SLC17A7: variants seen among roughly 807,000 people sequenced by gnomAD.
SLC17A7 encodes solute carrier family 17 member 7.
In SLC17A7, 15 loss-of-function variants were observed where a neutral mutation model predicts 59.1. That is an observed-to-expected ratio of 0.25 (90% confidence interval 0.17 to 0.39). The LOEUF is 0.39. Among genes scored for constraint, SLC17A7 ranks in the 10% least tolerant of loss-of-function variants. The pLI is 1.00. For missense variants in SLC17A7, 499 were observed against 765.1 expected (o/e 0.65, Z 4.10); for synonymous variants, 353 against 308.9 (o/e 1.14, Z -1.50).
rs572745041 is a variant in SLC17A7 at position 49,432,586 on chromosome 19, G to T, written c.1083C>A (p.Ile361=). 1.9e-6 allele frequency: 3 copies of T among 1,612,108 alleles called. No homozygotes were observed. Among genetic ancestry groups the T allele is most frequent in the East Asian group, 2.2e-5 (1 of 44,824 alleles). ...MTIIVPIGGQ[I]ADFLRSRRIM... Reference sequence around the variant, plus strand: ...TGCGGCGGCTCCGCAGGAAGTCCGCGATCTGGCCGCCGATGGGCACGATGA... The same window carrying T: ...TGCGGCGGCTCCGCAGGAAGTCCGCTATCTGGCCGCCGATGGGCACGATGA... Residue 361 remains isoleucine (I), a synonymous_variant, in exon 9 of 12, where the codon ATC becomes ATA. Coordinates refer to ENST00000221485, the MANE Select transcript of SLC17A7 (RefSeq NM_020309.4).
Position 49,433,041 on chromosome 19 carries a change from G to T in SLC17A7, c.868-81C>A. ...GCGTCCCTTCAGGGACCACAGTGTA[G>T]TTCTGCAGAAACCAAAGGATCCCGA... On this transcript the variant is annotated intron_variant, in intron 7 of 11. Transcript: ENST00000221485. The surrounding 1 kb of genome is among the most constrained non-coding windows in gnomAD (Gnocchi z 5.7). 7.1e-7 allele frequency: 1 copy of T among 1,413,400 alleles called. No individual in the cohort carries two copies. Among genetic ancestry groups the T allele is most frequent in the Non-Finnish European group, 9.7e-7 (1 of 1,032,990 alleles). 87.6% of individuals were successfully genotyped at this position (1,413,400 alleles called of 1,614,324 possible).
In SLC17A7 at chr19:49,436,992, C is replaced by T. The variant is rs1329530691; in HGVS notation, c.63-191G>A. 4 of 771,132 alleles carry T rather than the reference C, an allele frequency of 5.2e-6. No individual in the cohort carries two copies. The highest frequency in any genetic ancestry group is 3.0e-5 in the Admixed American group (1 of 33,750). The allele number at this position is 771,132 out of a possible 1,614,324, so 47.8% of individuals were successfully genotyped here. ...CCAGAAATCCTCCATCTCCCTCAGACCGGGAATTCAGGCCCCCAGCCCCCT... is the reference window on the plus strand; with the variant it reads ...CCAGAAATCCTCCATCTCCCTCAGATCGGGAATTCAGGCCCCCAGCCCCCT... On this transcript the variant is annotated intron_variant, in intron 1 of 11. Transcript: ENST00000221485. The surrounding 1 kb of genome is among the most constrained non-coding windows in gnomAD (Gnocchi z 4.1).
chr19:49,435,311 T>G (rs2078975988), intron 2 of SLC17A7, 25 bp from the exon 3 acceptor site: 3 of 1,550,152 alleles, frequency 1.9e-6, no homozygotes, highest in Non-Finnish European at 2.7e-6. Context: ...GTACATTAAA[T>G]CAGCCGCCCT....
chr19:49,435,072 C>T, intron 3 of SLC17A7, 96 bp downstream of exon 3: 1 of 1,084,658 alleles, frequency 9.2e-7, no homozygotes, highest in Non-Finnish European at 1.4e-6. Context: ...AGGCTTCTCC[C>T]ATTTACCAGA....
chr19:49,433,870 T>TG lies in SLC17A7; in HGVS notation c.725-3dup, dbSNP rs766859282. ...GGTACCAGAAGATCCCGAAGCTGCCTGGGGGGGTCAGGAGGGGGATGGGAG... is the reference window on the plus strand; with the variant it reads ...GGTACCAGAAGATCCCGAAGCTGCCTGGGGGGGGTCAGGAGGGGGATGGGAG... On this transcript the variant is annotated splice_region_variant and splice_polypyrimidine_tract_variant and intron_variant, in intron 6 of 11. Transcript: ENST00000221485. This position sits in a 1 kb window ranked among gnomAD's most constrained non-coding sequence, Gnocchi z 5.7. 180 of 1,610,548 alleles carry TG rather than the reference T, an allele frequency of 1.1e-4. No homozygotes were observed. Among genetic ancestry groups the TG allele is most frequent in the Middle Eastern group, 1.7e-4 (1 of 6,038 alleles).
chr19:49,435,462 C>G (rs774930923), intron 2 of SLC17A7, 176 bp from the exon 3 acceptor site: 1 of 580,438 alleles, frequency 1.7e-6, no homozygotes, highest in East Asian at 2.9e-5. Flanking sequence ...CTACAAACTC[C>G]GCTCTTCCAC....
intron 1 of SLC17A7, among the ~76,000 whole-genome samples, chr19:49,440,888 AG>A (rs1472375126): frequency 6.6e-6 from 1 of 152,042 alleles, no homozygotes; most frequent in Non-Finnish European, 1.5e-5. Context: ...AACCAGAGAG[AG>A]GGGCACAGAG....
In SLC17A7 at chr19:49,433,178, AT is replaced by A. The variant is rs2078967478; in HGVS notation, c.868-219del. On this transcript the variant is annotated intron_variant, in intron 7 of 11. Coordinates refer to ENST00000221485, the MANE Select transcript of SLC17A7 (RefSeq NM_020309.4). This position sits in a 1 kb window ranked among gnomAD's most constrained non-coding sequence, Gnocchi z 5.7. ...TGAGTGATGAAGGGGTCCTGGCCCT[AT>A]GGTAGCCTCTCAGGTCCGCAGGTGT... 1.7e-6 allele frequency: 1 copy of A among 582,988 alleles called. No individual in the cohort carries two copies. Among genetic ancestry groups the A allele is most frequent in the Non-Finnish European group, 3.0e-6 (1 of 331,206 alleles). The allele number at this position is 582,988 out of a possible 1,614,324, so 36.1% of individuals were successfully genotyped here. A position where few individuals can be genotyped will look rare whatever the true frequency, so the allele number is the denominator to read the frequency against.
In SLC17A7 at chr19:49,430,320, A is replaced by C; in HGVS notation, c.*199T>G. On this transcript the variant is annotated 3_prime_UTR_variant, in exon 12 of 12. Coordinates refer to ENST00000221485, the MANE Select transcript of SLC17A7 (RefSeq NM_020309.4). ...CTTTAGGGGAATTTGGGTATCCTTGAAACTGTCAGTCTGCAGCTTCACTAC... is the reference window on the plus strand; with the variant it reads ...CTTTAGGGGAATTTGGGTATCCTTGCAACTGTCAGTCTGCAGCTTCACTAC... 1 of 513,832 alleles carries C rather than the reference A, an allele frequency of 1.9e-6. No individual in the cohort carries two copies. Among genetic ancestry groups the C allele is most frequent in the Non-Finnish European group, 3.4e-6 (1 of 292,728 alleles). 31.8% of individuals were successfully genotyped at this position (513,832 alleles called of 1,614,324 possible). A position where few individuals can be genotyped will look rare whatever the true frequency, so the allele number is the denominator to read the frequency against.
Position 49,441,458 on chromosome 19 carries a change from C to T in SLC17A7, c.-79G>A. 9.0e-7 allele frequency: 1 copy of T among 1,107,320 alleles called. No individual in the cohort carries two copies. 68.6% of individuals were successfully genotyped at this position (1,107,320 alleles called of 1,614,324 possible). A position where few individuals can be genotyped will look rare whatever the true frequency, so the allele number is the denominator to read the frequency against. ...GCCCGCGGGCCCGGGCGGCCGCGTC[C>T]GGGTTCCCGGGGTCCAGCCCCGGCC... is the stretch of plus-strand genomic sequence containing the variant. On this transcript the variant is annotated 5_prime_UTR_variant, in exon 1 of 12. Coordinates refer to ENST00000221485, the MANE Select transcript of SLC17A7 (RefSeq NM_020309.4).
At chr19:49,434,955 G>C (rs1363860662) in intron 3 of SLC17A7, 73 bp from the exon 4 acceptor site, 1 of 1,452,974 alleles carries the variant, frequency 6.9e-7, no homozygotes, top group African/African-American at 1.4e-5. Flanking sequence ...CCCGCCCACA[G>C]CAAGCTAGGC....
At chr19:49,434,519 G>T in intron 5 of SLC17A7, 83 bp downstream of exon 5, 1 of 736,886 alleles carries the variant, frequency 1.4e-6, no homozygotes, top group Non-Finnish European at 2.1e-6. Context: ...AGCCCCCCCA[G>T]CCCCTCCCCG....
At position 49,433,734 on chromosome 19, in the gene SLC17A7, G is replaced by C. The variant is rs768609214; in HGVS notation, c.859C>G (p.Pro287Ala). Residue 287 changes from proline to alanine, a missense_variant, in exon 7 of 12, where the codon CCC (proline) becomes GCC (alanine). Pro to Ala is a conservative substitution (Grantham distance 27). This residue lies in a region of SLC17A7 where 323 missense variants were observed against 607.2 expected (regional missense o/e 0.53). Transcript: ENST00000221485. This position sits in a 1 kb window ranked among gnomAD's most constrained non-coding sequence, Gnocchi z 5.7. ...AAGATTTGGTCCCGGACCGTGAGGGGGTTCATGAGTTTCGCGCTCTCTCCG... is the reference window on the plus strand; with the variant it reads ...AAGATTTGGTCCCGGACCGTGAGGGCGTTCATGAGTTTCGCGCTCTCTCCG... Reference protein sequence around the residue: ...AIGESAKLMNPLTKFSTPWRR... With the variant: ...AIGESAKLMNALTKFSTPWRR... The C allele has an allele frequency of 1.2e-6, 2 of 1,614,152 alleles. No individual in the cohort carries two copies. The highest frequency in any genetic ancestry group is 3.3e-5 in the Admixed American group (2 of 60,022).
intron 1 of SLC17A7, among the ~76,000 whole-genome samples, chr19:49,439,692 G>C (rs2078992605): frequency 6.6e-6 from 1 of 152,200 alleles, no homozygotes; most frequent in South Asian, 2.1e-4. Flanking sequence ...CCAACCATCA[G>C]AGCAAACCCC....
intron 1 of SLC17A7, among the ~76,000 whole-genome samples, chr19:49,439,645 A>G (rs771560343): frequency 6.6e-6 from 1 of 152,300 alleles, no homozygotes; most frequent in Admixed American, 6.5e-5. Flanking sequence ...AATGAGATCA[A>G]CCTGTTGTCT....
chr19:49,430,996 T>C lies in SLC17A7; in HGVS notation c.1389+19A>G. The C allele has an allele frequency of 6.3e-7, 1 of 1,596,754 alleles. No homozygotes were observed. Among genetic ancestry groups the C allele is most frequent in the South Asian group, 1.1e-5 (1 of 89,844 alleles). On this transcript the variant is annotated intron_variant, in intron 11 of 11. Transcript: ENST00000221485. ...AGCACACACTTGGAGGCAGACTGAG[T>C]CAGGACTGCGGCACCCACCTTGTGC...
chr19:49,433,582 C>A lies in SLC17A7; in HGVS notation c.867+144G>T, dbSNP rs1002182141. ...AATCTCGTCCTCCGCGGGTTGCAAC[C>A]CGCCTCCTAGGTTCTAGCCCCTCTC... On this transcript the variant is annotated intron_variant, in intron 7 of 11. Coordinates refer to ENST00000221485, the MANE Select transcript of SLC17A7 (RefSeq NM_020309.4). This position sits in a 1 kb window ranked among gnomAD's most constrained non-coding sequence, Gnocchi z 5.7. 38 of 1,238,740 alleles carry A rather than the reference C, an allele frequency of 3.1e-5. No homozygotes were observed. The highest frequency in any genetic ancestry group is 4.4e-5 in the Non-Finnish European group (38 of 867,188). 76.7% of individuals were successfully genotyped at this position (1,238,740 alleles called of 1,614,324 possible).
rs997168444 is a variant in SLC17A7, at chr19:49,431,904, G to A, written c.1151-456C>T. On this transcript the variant is annotated intron_variant, in intron 9 of 11. Transcript: ENST00000221485. The surrounding 1 kb of genome is among the most constrained non-coding windows in gnomAD (Gnocchi z 4.6). ...TCCACCGGCCTTCGCCTCCGAAAGTGCTGGGATAACAGGGGTTAGCCACCA... is the reference window on the plus strand; with the variant it reads ...TCCACCGGCCTTCGCCTCCGAAAGTACTGGGATAACAGGGGTTAGCCACCA... Among the ~76,000 whole-genome samples, 1 of 152,092 alleles carries A rather than the reference G, an allele frequency of 6.6e-6. No individual in the cohort carries two copies. Among genetic ancestry groups the A allele is most frequent in the African/African-American group, 2.4e-5 (1 of 41,418 alleles).
Position 49,432,574 on chromosome 19 carries a change from C to A in SLC17A7, c.1095G>T (p.Leu365=), listed in dbSNP as rs749455667. The A allele has an allele frequency of 6.2e-7, 1 of 1,611,038 alleles. No homozygotes were observed. The highest frequency in any genetic ancestry group is 8.5e-7 in the Non-Finnish European group (1 of 1,179,198). ...TGGTGGACATGATGCGGCGGCTCCG[C>A]AGGAAGTCCGCGATCTGGCCGCCGA... The part of the protein sequence containing the change: ...VPIGGQIADF[L]RSRRIMSTTN... The change falls in exon 9 of 12, where the codon CTG becomes CTT. Residue 365 remains leucine, a synonymous_variant. Coordinates refer to ENST00000221485, the MANE Select transcript of SLC17A7 (RefSeq NM_020309.4).
Sources: allele counts gnomAD v4.1 joint callset (sites outside exome capture counted in the v4.1 genomes callset), GRCh38; gene constraint gnomAD v4.1.1; regional missense constraint gnomAD v4.1.1; non-coding constraint Gnocchi (gnomAD v3.1); transcripts MANE v1.5; gene names NCBI Gene and HGNC (gene_info 2026-07-23, HGNC 2026-07-21).